Variants in TLL1 observed in about 807,000 individuals in gnomAD.
TLL1 encodes tolloid like 1.
TLL1 carries 49 observed loss-of-function variants against 128.2 expected under a neutral mutation model. That is an observed-to-expected ratio of 0.38 (90% CI 0.30 to 0.48). The LOEUF (loss-of-function observed/expected upper bound fraction) is 0.48, where lower values mean the gene tolerates loss of function less well. Among genes scored for constraint, TLL1 ranks in the 20% least tolerant of loss-of-function variants. TLL1 has a pLI of 0.96. For synonymous variants in TLL1, 454 were observed against 418.8 expected (o/e 1.08, Z -1.03); for missense variants, 1,123 against 1,242.0 (o/e 0.90, Z 1.44).
intron 18 of TLL1, among the ~76,000 whole-genome samples, chr4:166,088,685 A>C (rs1258739304): frequency 6.6e-6 from 1 of 152,126 alleles, no homozygotes; most frequent in African/African-American, 2.4e-5. Flanking sequence ...TATGTCAGCT[A>C]TGGAACCTTT....
At chr4:165,901,320 C>A (rs556848771) in intron 1 of TLL1, among the ~76,000 whole-genome samples, 3 of 152,026 alleles carry the variant, frequency 2.0e-5, no homozygotes, top group Non-Finnish European at 4.4e-5. Context: ...GGAGAAGAGA[C>A]GTTCTTGTTT....
At chr4:166,043,783 T>C (rs1414638916) in intron 12 of TLL1, among the ~76,000 whole-genome samples, 1 of 146,264 alleles carries the variant, frequency 6.8e-6, no homozygotes, top group Non-Finnish European at 1.5e-5. Context: ...GTAGAAAGTC[T>C]TTTTTGTAAG....
rs1740547554 is a variant in TLL1 at position 166,065,851 on chromosome 4, C to T, written c.2176C>T (p.His726Tyr). 1.9e-6 allele frequency: 3 copies of T among 1,612,482 alleles called. No individual in the cohort carries two copies. The highest frequency in any genetic ancestry group is 1.3e-5 in the African/African-American group (1 of 74,784). ...NTVSKKGFKA[H>Y]FFSDKDECSK... ...TGTATCCAAGAAGGGCTTCAAAGCACATTTTTTCTCAGGTATAAGCATTCA... is the reference window on the plus strand; with the variant it reads ...TGTATCCAAGAAGGGCTTCAAAGCATATTTTTTCTCAGGTATAAGCATTCA... The change falls in exon 16 of 21, where the codon CAT becomes TAT. Residue 726 changes from histidine (H) to tyrosine (Y), a missense_variant. Coordinates refer to ENST00000061240, the MANE Select transcript of TLL1 (RefSeq NM_012464.5).
In TLL1 at chr4:166,074,897, G is replaced by A. The variant is rs115925621; in HGVS notation, c.2208G>A (p.Lys736=). Residue 736 remains lysine (K), a synonymous_variant, in exon 17 of 21, where the codon AAG becomes AAA. Transcript: ENST00000061240. ...TGCTAGACAAAGATGAATGCTCTAA[G>A]GATAATGGTGGATGTCAGCACGAAT... The part of the protein sequence containing the change: ...HFFSDKDECS[K]DNGGCQHECV... 1.1e-5 allele frequency: 17 copies of A among 1,613,480 alleles called. No individual in the cohort carries two copies. The East Asian group carries it at 3.6e-4, about 34-fold the overall frequency.
At chr4:165,949,946 G>A (rs987086888) in intron 1 of TLL1, among the ~76,000 whole-genome samples, 8 of 152,092 alleles carry the variant, frequency 5.3e-5, no homozygotes, top group African/African-American at 1.7e-4. Flanking sequence ...CACATTAAAT[G>A]TAAATGATCT....
intron 7 of TLL1, 25 bp from the exon 8 acceptor site, chr4:166,014,411 G>A (rs779253413): frequency 3.7e-6 from 6 of 1,611,312 alleles, no homozygotes; most frequent in Non-Finnish European, 4.2e-6. Context: ...TGACTTAGGT[G>A]TGGTTTGCTT....
At position 165,891,136 on chromosome 4, in the gene TLL1, G is replaced by A. The variant is rs1171954423; in HGVS notation, c.169+17063G>A. Among the ~76,000 whole-genome samples the A allele has an allele frequency of 3.9e-4, 59 of 152,094 alleles. 1 individual carries two copies. Among genetic ancestry groups the A allele is most frequent in the Admixed American group, 3.3e-3 (51 of 15,276 alleles). ...GATGCAAGTCACTAAGTGTTGAGAC[G>A]CACAGAGCAGGAAGACCCAGGGCCT... is the stretch of plus-strand genomic sequence containing the variant. On this transcript the variant is annotated intron_variant, in intron 1 of 20. Transcript: ENST00000061240.
intron 1 of TLL1, among the ~76,000 whole-genome samples, chr4:165,901,485 T>C (rs1731986130): frequency 6.6e-6 from 1 of 152,194 alleles, no homozygotes. Flanking sequence ...TAGTTTTCCT[T>C]CTAACAGTCA....
intron 1 of TLL1, among the ~76,000 whole-genome samples, chr4:165,981,574 C>T (rs926482800): frequency 1.3e-5 from 2 of 152,000 alleles, no homozygotes; most frequent in African/African-American, 2.4e-5. Flanking sequence ...TTTAAAAGGA[C>T]ATACCAAGGA....
chr4:166,017,305 G>A (rs760440593), intron 8 of TLL1, among the ~76,000 whole-genome samples: 40 of 151,930 alleles, frequency 2.6e-4, no homozygotes, highest in Non-Finnish European at 5.3e-4. Context: ...TTCATGGTAT[G>A]TATGTATCAC....
intron 7 of TLL1, among the ~76,000 whole-genome samples, chr4:166,009,469 T>C (rs1412100234): frequency 6.6e-6 from 1 of 151,592 alleles, no homozygotes; most frequent in East Asian, 1.9e-4. Context: ...TTTTCCATGT[T>C]GCATTGTGTA....
intron 1 of TLL1, among the ~76,000 whole-genome samples, chr4:165,975,609 G>C (rs2110986090): frequency 6.6e-6 from 1 of 152,238 alleles, no homozygotes; most frequent in South Asian, 2.1e-4. Context: ...AAAATATTAT[G>C]GGTTAGATCT....
intron 1 of TLL1, among the ~76,000 whole-genome samples, chr4:165,944,375 A>C (rs775557731): frequency 6.6e-6 from 1 of 152,160 alleles, no homozygotes; most frequent in Non-Finnish European, 1.5e-5. Flanking sequence ...ATTCCTTCAC[A>C]CACAAATAAC....
At chr4:165,969,164 G>C (rs1473598605) in intron 1 of TLL1, among the ~76,000 whole-genome samples, 1 of 152,026 alleles carries the variant, frequency 6.6e-6, no homozygotes, top group East Asian at 1.9e-4. Flanking sequence ...GTTTTTCTTT[G>C]AACCTGGAAA....
intron 16 of TLL1, among the ~76,000 whole-genome samples, chr4:166,074,113 G>C: frequency 6.6e-6 from 1 of 151,954 alleles, no homozygotes; most frequent in East Asian, 1.9e-4. Flanking sequence ...TTTCCCTGTA[G>C]TGAATTTGTT....
chr4:166,047,415 T>TG (rs1225671416), intron 12 of TLL1, among the ~76,000 whole-genome samples: 6 of 151,154 alleles, frequency 4.0e-5, no homozygotes, highest in Non-Finnish European at 7.4e-5. Context: ...CTGCCCTCCT[T>TG]GGCCTCCCAA....
At chr4:166,060,422 A>G (rs1160370145) in intron 15 of TLL1, among the ~76,000 whole-genome samples, 3 of 152,058 alleles carry the variant, frequency 2.0e-5, no homozygotes, top group African/African-American at 7.2e-5. Context: ...AGTGTATTTA[A>G]TATTTACCAT....
At position 166,034,156 on chromosome 4, in the gene TLL1, T is replaced by C. The variant is rs184174688; in HGVS notation, c.1159-5183T>C. 1.1e-3 allele frequency among the ~76,000 whole-genome samples: 164 copies of C among 152,258 alleles called. 2 individuals carry two copies. Among genetic ancestry groups the C allele is most frequent in the African/African-American group, 3.6e-3 (148 of 41,560 alleles). On this transcript the variant is annotated intron_variant, in intron 9 of 20. Coordinates refer to ENST00000061240, the MANE Select transcript of TLL1 (RefSeq NM_012464.5). ...AACTTATAACCTAGTAATATAATGG[T>C]TAAACTTTGAAAAATAACTGAAAAA...
Position 166,024,262 on chromosome 4 carries a change from G to T in TLL1, c.1043-1054G>T, listed in dbSNP as rs181951038. ...ATCTATTTTTAGAGCTCTATGCTTT[G>T]TTTTCATATTCACTATCTTTCTTTC... On this transcript the variant is annotated intron_variant, in intron 8 of 20. Coordinates refer to ENST00000061240, the MANE Select transcript of TLL1 (RefSeq NM_012464.5). Among the ~76,000 whole-genome samples the T allele has an allele frequency of 3.9e-5, 6 of 152,162 alleles. No homozygotes were observed. In the East Asian group the frequency reaches 7.7e-4, roughly 20 times the overall value.
Sources: gnomAD v4.1 joint callset for allele counts (sites outside exome capture counted in the v4.1 genomes callset) on GRCh38, gnomAD v4.1.1 for gene constraint, MANE v1.5 for transcripts, NCBI Gene and HGNC (gene_info 2026-07-23, HGNC 2026-07-21) for gene names.